SNX18: variants seen among roughly 807,000 people sequenced by gnomAD.
SNX18 encodes the protein sorting nexin 18.
In SNX18, 35 loss-of-function variants were observed where a neutral mutation model predicts 48.7. That is an observed-to-expected ratio of 0.72 (90% CI 0.55 to 0.95). The LOEUF (loss-of-function observed/expected upper bound fraction) is 0.95. SNX18 is among the 40% of genes least tolerant of loss of function. The pLI is 0.00. For missense variants in SNX18, 824 were observed against 871.0 expected (o/e 0.95, Z 0.68); for synonymous variants, 492 against 384.7 (o/e 1.28, Z -3.26).
chr5:54,625,398 G>T, the SNX18 span, among the ~76,000 whole-genome samples: 2 of 152,162 alleles, frequency 1.3e-5, no homozygotes, highest in Non-Finnish European at 2.9e-5. Flanking sequence ...TTCTAAGCTC[G>T]CTCGTATGGC....
the SNX18 span, among the ~76,000 whole-genome samples, chr5:54,638,857 C>A: frequency 6.6e-6 from 1 of 152,148 alleles, no homozygotes; most frequent in African/African-American, 2.4e-5. Flanking sequence ...CCCTCCAGGG[C>A]CCGACCTCAA....
chr5:54,602,617 C>T, the SNX18 span, among the ~76,000 whole-genome samples: 16 of 151,948 alleles, frequency 1.1e-4, no homozygotes, highest in African/African-American at 3.4e-4. Context: ...AGTGTCAGAG[C>T]GGGAGTGAAA....
the SNX18 span, among the ~76,000 whole-genome samples, chr5:54,586,722 T>C: frequency 1.3e-5 from 2 of 152,186 alleles, no homozygotes; most frequent in African/African-American, 4.8e-5. Flanking sequence ...ACAATGGCAA[T>C]TGAATTTCAA....
At chr5:54,586,245 T>A in the SNX18 span, among the ~76,000 whole-genome samples, 1 of 152,136 alleles carries the variant, frequency 6.6e-6, no homozygotes, top group Non-Finnish European at 1.5e-5. Context: ...AATGGCCCAA[T>A]TTAGTGCCAG....
Position 54,518,643 on chromosome 5 carries a change from C to A in SNX18, c.691C>A (p.Arg231Ser). Reference sequence around the variant, plus strand: ...GGCCACCGTGAGCCGCAACCTCAATCGCTTCTCCACCTTCGTCAAGTCCGG... The same window carrying A: ...GGCCACCGTGAGCCGCAACCTCAATAGCTTCTCCACCTTCGTCAAGTCCGG... ...SSATVSRNLN[R>S]FSTFVKSGGE... The change falls in exon 1 of 2, where the codon CGC becomes AGC. Residue 231 changes from arginine to serine, a missense_variant. Around this residue, in one of 3 missense-constraint regions of SNX18, gnomAD observed 377 missense variants for 350.6 expected, o/e 1.08. Transcript: ENST00000381410. 6.4e-7 allele frequency: 1 copy of A among 1,556,778 alleles called. No individual in the cohort carries two copies.
At chr5:54,638,785 A>C in the SNX18 span, among the ~76,000 whole-genome samples, 1 of 152,152 alleles carries the variant, frequency 6.6e-6, no homozygotes, top group African/African-American at 2.4e-5. Flanking sequence ...GAGTTGAGCC[A>C]CCCGCTTGCC....
At chr5:54,618,973 TA>T in the SNX18 span, among the ~76,000 whole-genome samples, 1 of 148,076 alleles carries the variant, frequency 6.8e-6, no homozygotes, top group Admixed American at 6.7e-5. Flanking sequence ...TTTTTAACTC[TA>T]AAAAAGCAAA....
the SNX18 span, among the ~76,000 whole-genome samples, chr5:54,598,014 AAAG>A: frequency 6.6e-6 from 1 of 152,156 alleles, no homozygotes; most frequent in Non-Finnish European, 1.5e-5. Flanking sequence ...AAAGAAGAAA[AAAG>A]AGAAGAATCA....
At chr5:54,625,418 C>A in the SNX18 span, among the ~76,000 whole-genome samples, 2 of 152,162 alleles carry the variant, frequency 1.3e-5, no homozygotes, top group Non-Finnish European at 2.9e-5. Flanking sequence ...CTGTTGGCAG[C>A]CCTTATGTCC....
At chr5:54,620,811 G>A in the SNX18 span, among the ~76,000 whole-genome samples, 1 of 152,164 alleles carries the variant, frequency 6.6e-6, no homozygotes, top group Non-Finnish European at 1.5e-5. Context: ...CTTCCCTCTT[G>A]GCTGGCAGGT....
At chr5:54,533,177 TTC>T (rs1762283059) in intron 1 of SNX18, among the ~76,000 whole-genome samples, 1 of 152,170 alleles carries the variant, frequency 6.6e-6, no homozygotes, top group Admixed American at 6.5e-5. Context: ...GGTTCAAAAG[TTC>T]TCTTTGTCAT....
intron 1 of SNX18, 145 bp from the exon 2 acceptor site, chr5:54,543,034 T>G: frequency 1.3e-6 from 1 of 754,020 alleles, no homozygotes; most frequent in Non-Finnish European, 2.0e-6. Flanking sequence ...AAATGAGTAA[T>G]TATGGTCCTC....
chr5:54,595,254 G>A, the SNX18 span, among the ~76,000 whole-genome samples: 2 of 151,946 alleles, frequency 1.3e-5, no homozygotes, highest in Admixed American at 6.6e-5. Flanking sequence ...TTTATTTTTT[G>A]AGATGGAGTC....
rs1209228724 is a variant in SNX18 at position 54,518,458 on chromosome 5, G to A, written c.506G>A (p.Gly169Asp). The part of the protein sequence containing the change: ...DDSSTVADEP[G>D]ALGSGAYPDL... ...AGCTCCACGGTGGCGGACGAGCCGG[G>A]CGCTCTGGGCAGCGGAGCATACCCG... Residue 169 changes from glycine to aspartate, a missense_variant, in exon 1 of 2, where the codon GGC (glycine) becomes GAC (aspartate). Around this residue, in one of 3 missense-constraint regions of SNX18, gnomAD observed 377 missense variants for 350.6 expected, o/e 1.08. Coordinates refer to ENST00000381410, the MANE Select transcript of SNX18 (RefSeq NM_001102575.2). 5 of 1,571,412 alleles carry A rather than the reference G, an allele frequency of 3.2e-6. No homozygotes were observed. Among genetic ancestry groups the A allele is most frequent in the Non-Finnish European group, 4.3e-6 (5 of 1,159,202 alleles).
chr5:54,643,147 C>T, the SNX18 span, among the ~76,000 whole-genome samples: 1 of 152,118 alleles, frequency 6.6e-6, no homozygotes, highest in Non-Finnish European at 1.5e-5. Context: ...CACTTTCAAG[C>T]AGTGGGCAGC....
At chr5:54,534,030 G>T (rs1219323089) in intron 1 of SNX18, among the ~76,000 whole-genome samples, 1 of 152,004 alleles carries the variant, frequency 6.6e-6, no homozygotes, top group Non-Finnish European at 1.5e-5. Flanking sequence ...AGCATGTTAC[G>T]TGTGCCAGGG....
chr5:54,555,199 T>A, the SNX18 span, among the ~76,000 whole-genome samples: 1 of 152,212 alleles, frequency 6.6e-6, no homozygotes, highest in Non-Finnish European at 1.5e-5. Flanking sequence ...TGTCCCATCT[T>A]CCCACCCTGT....
At position 54,518,883 on chromosome 5, in the gene SNX18, C is replaced by G; in HGVS notation, c.931C>G (p.Arg311Gly). The change falls in exon 1 of 2, where the codon CGG (arginine) becomes GGG (glycine). Residue 311 changes from arginine (R) to glycine (G), a missense_variant. This residue lies in a region of SNX18 where 443 missense variants were observed against 503.6 expected (regional missense o/e 0.88). Transcript: ENST00000381410. ...VPTHTQVPVHRRYKHFDWLYA... is the reference protein window; with the variant it reads ...VPTHTQVPVHGRYKHFDWLYA... ...CACGCACACGCAGGTGCCGGTGCAT[C>G]GGCGCTACAAGCACTTCGACTGGCT... is the stretch of plus-strand genomic sequence containing the variant. The G allele has an allele frequency of 6.2e-7, 1 of 1,613,780 alleles. No homozygotes were observed.
Position 54,518,046 on chromosome 5 carries a change from G to C in SNX18, c.94G>C (p.Glu32Gln). 1 of 1,547,606 alleles carries C rather than the reference G, an allele frequency of 6.5e-7. No individual in the cohort carries two copies. The highest frequency in any genetic ancestry group is 8.7e-7 in the Non-Finnish European group (1 of 1,151,242). ...GCACGAGGTGCTGAGCCTGTGCAGCGAGCAGGACATCGAGGGCTGGCTCGA... is the reference window on the plus strand; with the variant it reads ...GCACGAGGTGCTGAGCCTGTGCAGCCAGCAGGACATCGAGGGCTGGCTCGA... ...REHEVLSLCSEQDIEGWLEGV... is the reference protein window; with the variant it reads ...REHEVLSLCSQQDIEGWLEGV... The change falls in exon 1 of 2, where the codon GAG becomes CAG. Residue 32 changes from glutamate to glutamine, a missense_variant. This residue lies in a region of SNX18 where 377 missense variants were observed against 350.6 expected (regional missense o/e 1.08). Coordinates refer to ENST00000381410, the MANE Select transcript of SNX18 (RefSeq NM_001102575.2).
Sources: gnomAD v4.1 joint callset for allele counts (sites outside exome capture counted in the v4.1 genomes callset) on GRCh38, gnomAD v4.1.1 for gene constraint, gnomAD v4.1.1 regional missense constraint, MANE v1.5 for transcripts, NCBI Gene and HGNC (gene_info 2026-07-23, HGNC 2026-07-21) for gene names.